The following SNTG1 variants were observed in gnomAD, a reference collection of about 807,000 sequenced individuals.
SNTG1 encodes syntrophin gamma 1.
SNTG1 carries 39 observed loss-of-function variants against 74.7 expected under a neutral mutation model. The observed-to-expected ratio is 0.52, with a 90% CI of 0.40 to 0.68. The LOEUF (loss-of-function observed/expected upper bound fraction) is 0.68, where lower values mean the gene tolerates loss of function less well. Ranked by LOEUF, SNTG1 falls within the 30% of genes least tolerant of loss-of-function variation. The probability of loss-of-function intolerance (pLI) is 0.00; values close to 1 mark genes in which losing one functional copy is unlikely to be tolerated. For synonymous variants in SNTG1, 254 were observed against 217.1 expected (o/e 1.17, Z -1.49); for missense variants, 685 against 609.5 (o/e 1.12, Z -1.30).
At chr8:50,393,819 T>A (rs181108782) in intron 2 of SNTG1, among the ~76,000 whole-genome samples, 1 of 152,168 alleles carries the variant, frequency 6.6e-6, no homozygotes, top group Non-Finnish European at 1.5e-5. Context: ...GGTAACCATA[T>A]GAAAGGCAAC....
chr8:50,673,371 TCTC>T (rs2095294406), intron 15 of SNTG1, among the ~76,000 whole-genome samples: 2 of 152,166 alleles, frequency 1.3e-5, no homozygotes, highest in African/African-American at 4.8e-5. Context: ...GGTTTGTAGT[TCTC>T]CTTGATGAGG....
intron 2 of SNTG1, among the ~76,000 whole-genome samples, chr8:50,273,640 TGATCA>T (rs1282604402): frequency 1.4e-4 from 21 of 152,320 alleles, no homozygotes; most frequent in African/African-American, 5.1e-4. Flanking sequence ...TCAAACAGAA[TGATCA>T]GTGTAGGCCT....
intron 3 of SNTG1, among the ~76,000 whole-genome samples, chr8:50,398,536 C>G (rs7820992): frequency 0.23 from 34,323 of 152,206 alleles, 4,333 homozygotes; most frequent in Middle Eastern, 0.36. Context: ...ATTTCCTATC[C>G]TCCATAAACT....
intron 8 of SNTG1, among the ~76,000 whole-genome samples, chr8:50,493,987 G>A (rs1444294881): frequency 6.6e-5 from 10 of 151,576 alleles, no homozygotes; most frequent in Non-Finnish European, 1.2e-4. Context: ...GGAGGGTTGC[G>A]GGGGATATGC....
intron 13 of SNTG1, among the ~76,000 whole-genome samples, chr8:50,639,486 T>C (rs1201952231): frequency 6.6e-6 from 1 of 151,998 alleles, no homozygotes; most frequent in Non-Finnish European, 1.5e-5. Flanking sequence ...AAAAGAACTA[T>C]AAGAAATATT....
intron 8 of SNTG1, among the ~76,000 whole-genome samples, chr8:50,457,716 A>G (rs1224862813): frequency 1.3e-5 from 2 of 152,180 alleles, no homozygotes; most frequent in African/African-American, 4.8e-5. Flanking sequence ...GCCATCCAGC[A>G]AACATCCCCA....
chr8:49,979,131 A>G (rs577399284), intron 1 of SNTG1, among the ~76,000 whole-genome samples: 1 of 152,330 alleles, frequency 6.6e-6, no homozygotes, highest in Non-Finnish European at 1.5e-5. Context: ...TGGTAGTGTA[A>G]CTAGCAGGCG....
intron 12 of SNTG1, among the ~76,000 whole-genome samples, chr8:50,589,590 TA>T (rs36003784): frequency 0.052 from 7,240 of 139,902 alleles, 232 homozygotes; most frequent in African/African-American, 0.086. Flanking sequence ...TTTTTCAGAT[TA>T]AAAAAAAAAA....
At chr8:49,938,590 T>TTC (rs1437740620) in intron 1 of SNTG1, among the ~76,000 whole-genome samples, 21 of 37,068 alleles carry the variant, frequency 5.7e-4, no homozygotes, top group Middle Eastern at 0.014. Flanking sequence ...TTCTTTTCTT[T>TTC]TCTTTTCTTT....
intron 15 of SNTG1, among the ~76,000 whole-genome samples, chr8:50,677,739 A>C (rs1198973124): frequency 3.3e-5 from 5 of 151,998 alleles, no homozygotes; most frequent in African/African-American, 1.2e-4. Flanking sequence ...TGAAGCCTTC[A>C]TCCACTAAGA....
intron 1 of SNTG1, among the ~76,000 whole-genome samples, chr8:50,076,713 T>A (rs866421957): frequency 6.6e-6 from 1 of 152,166 alleles, no homozygotes; most frequent in Non-Finnish European, 1.5e-5. Flanking sequence ...AGCTTTCATA[T>A]ACTCCTAAGG....
intron 1 of SNTG1, among the ~76,000 whole-genome samples, chr8:50,063,420 A>T (rs1021914515): frequency 1.3e-5 from 2 of 152,214 alleles, no homozygotes; most frequent in Non-Finnish European, 2.9e-5. Flanking sequence ...AGAGAATAAA[A>T]CACAAAGAAA....
intron 1 of SNTG1, among the ~76,000 whole-genome samples, chr8:50,155,735 C>T (rs1216129916): frequency 6.6e-6 from 1 of 151,740 alleles, no homozygotes. Context: ...AAAACATCAC[C>T]TTTCACTCTA....
chr8:49,986,933 G>T (rs1813220002), intron 1 of SNTG1, among the ~76,000 whole-genome samples: 2 of 152,138 alleles, frequency 1.3e-5, no homozygotes, highest in African/African-American at 4.8e-5. Flanking sequence ...GTATGGAGAA[G>T]AAAAGTCTTC....
At chr8:50,178,800 C>A (rs1196121365) in intron 2 of SNTG1, among the ~76,000 whole-genome samples, 2 of 152,124 alleles carry the variant, frequency 1.3e-5, no homozygotes, top group African/African-American at 4.8e-5. Context: ...TGACACTCTG[C>A]CAAAAAGACA....
At chr8:50,210,417 A>T (rs903839359) in intron 2 of SNTG1, among the ~76,000 whole-genome samples, 4 of 152,176 alleles carry the variant, frequency 2.6e-5, no homozygotes, top group African/African-American at 9.6e-5. Flanking sequence ...ACTCCAAGAC[A>T]CATAATTGTC....
chr8:50,080,472 T>C (rs781586554), intron 1 of SNTG1, among the ~76,000 whole-genome samples: 2 of 152,200 alleles, frequency 1.3e-5, no homozygotes, highest in Non-Finnish European at 2.9e-5. Flanking sequence ...CTTGTTATTA[T>C]TATGTGTTGT....
At chr8:50,192,073 G>A (rs1027589634) in intron 2 of SNTG1, among the ~76,000 whole-genome samples, 14 of 152,114 alleles carry the variant, frequency 9.2e-5, no homozygotes, top group Non-Finnish European at 1.6e-4. Flanking sequence ...GAAGGCTTCC[G>A]TGTGGCCTGA....
chr8:50,666,689 T>C (rs2095252372), intron 15 of SNTG1, among the ~76,000 whole-genome samples: 1 of 151,890 alleles, frequency 6.6e-6, no homozygotes, highest in African/African-American at 2.4e-5. Context: ...ATTATAGAAA[T>C]CCCTAAAGGC....
Sources: gnomAD v4.1 joint callset for allele counts (sites outside exome capture counted in the v4.1 genomes callset) on GRCh38, gnomAD v4.1.1 for gene constraint, MANE v1.5 for transcripts, NCBI Gene and HGNC (gene_info 2026-07-23, HGNC 2026-07-21) for gene names.